Variants in IDO2 observed in about 807,000 individuals in gnomAD.
IDO2 encodes indoleamine 2,3-dioxygenase-like 1 protein.
Under a neutral mutation model 45.1 loss-of-function variants are expected in IDO2, and 46 were observed. That is an observed-to-expected ratio of 1.02 (90% CI 0.80 to 1.30). The LOEUF (loss-of-function observed/expected upper bound fraction) is 1.30, where lower values mean the gene tolerates loss of function less well. IDO2 is among the 50% of genes most tolerant of loss of function. The pLI is 0.00. For synonymous variants in IDO2, 218 were observed against 184.9 expected, an observed-to-expected ratio of 1.18 and a Z score of -1.45; for missense variants, 544 against 491.8, an observed-to-expected ratio of 1.11 and a Z score of -1.00.
chr8:40,003,543 C>A (rs1802172727), intron 8 of IDO2, among the ~76,000 whole-genome samples: 1 of 152,006 alleles, frequency 6.6e-6, no homozygotes, highest in Non-Finnish European at 1.5e-5. Flanking sequence ...CTTACCTGTT[C>A]ATTTCCAGTT....
Position 39,949,071 on chromosome 8 carries a change from T to A in IDO2, c.-17-78T>A, listed in dbSNP as rs1807778260. 95 of 1,531,058 alleles carry A rather than the reference T, an allele frequency of 6.2e-5. 2 individuals are homozygous for A. In the South Asian group the frequency reaches 1.1e-3, roughly 18 times the overall value. The allele number at this position is 1,531,058 out of a possible 1,614,324, so 94.8% of individuals were successfully genotyped here. Reference sequence around the variant, plus strand: ...TCCTGTGCCTGAGACACTGCGCAACTAACTGGAACCGAAGGATGGAACCTG... The same window carrying A: ...TCCTGTGCCTGAGACACTGCGCAACAAACTGGAACCGAAGGATGGAACCTG... On this transcript the variant is annotated intron_variant, in intron 1 of 10. Coordinates refer to ENST00000502986, the Ensembl canonical transcript of IDO2.
At chr8:39,942,470 C>A (rs1407616023) in intron 1 of IDO2, among the ~76,000 whole-genome samples, 1 of 152,104 alleles carries the variant, frequency 6.6e-6, no homozygotes, top group Admixed American at 6.6e-5. Flanking sequence ...ATGACTAAAG[C>A]CTGTCTCTAC....
At chr8:39,974,175 C>T (rs1171841187) in intron 3 of IDO2, among the ~76,000 whole-genome samples, 1 of 152,002 alleles carries the variant, frequency 6.6e-6, no homozygotes, top group African/African-American at 2.4e-5. Flanking sequence ...AAATTCTGAC[C>T]AGATGGCATC....
chr8:40,010,512 A>G (rs1302851406), intron 9 of IDO2, among the ~76,000 whole-genome samples: 1 of 152,346 alleles, frequency 6.6e-6, no homozygotes, highest in Non-Finnish European at 1.5e-5. Context: ...TGAGTAGGAA[A>G]TAAACTCCAA....
At chr8:39,987,643 C>T (rs1475211466) in intron 6 of IDO2, 1 of 491,588 alleles carries the variant, frequency 2.0e-6, no homozygotes, top group African/African-American at 1.9e-5. Context: ...CCATGCTAGA[C>T]ATTGGGAGGC....
At chr8:40,009,049 T>C (rs923562989) in intron 9 of IDO2, among the ~76,000 whole-genome samples, 1 of 152,106 alleles carries the variant, frequency 6.6e-6, no homozygotes, top group Non-Finnish European at 1.5e-5. Context: ...AGGTCTCGCT[T>C]TGTCGCCCAG....
In IDO2 at chr8:39,963,745, A is replaced by G. The variant is rs762454112; in HGVS notation, c.195+42A>G. The G allele has an allele frequency of 5.2e-6, 6 of 1,164,680 alleles. No homozygotes were observed. The East Asian group carries it at 7.2e-5, about 14-fold the overall frequency. 72.1% of individuals were successfully genotyped at this position (1,164,680 alleles called of 1,614,324 possible). A position where few individuals can be genotyped will look rare whatever the true frequency, so the allele number is the denominator to read the frequency against. On this transcript the variant is annotated intron_variant, in intron 3 of 10. Transcript: ENST00000502986. ...CCCCTCATCACATTCTGTTTTCATC[A>G]TCATACCACTTTTCTTTCTTAGCCT...
chr8:39,985,407 C>A, intron 5 of IDO2, 101 bp from the exon 6 acceptor site: 2 of 1,003,962 alleles, frequency 2.0e-6, no homozygotes, highest in Non-Finnish European at 1.5e-6. Flanking sequence ...TGCCTGTGGA[C>A]ATGTGACCCT....
At chr8:40,002,711 C>CG (rs1021024897) in intron 8 of IDO2, among the ~76,000 whole-genome samples, 5 of 151,940 alleles carry the variant, frequency 3.3e-5, no homozygotes, top group Non-Finnish European at 5.9e-5. Flanking sequence ...ACCTGGCAGG[C>CG]GGGGGGTGCA....
exon 11 of IDO2, chr8:40,016,042 GTCCCAGACCAGCCCTCTTCTCCCTGAAT>G: frequency 2.6e-6 from 1 of 391,854 alleles, no homozygotes; most frequent in Non-Finnish European, 4.5e-6. Context: ...GATTTCTGTG[GTCCCAGACCAGCCCTCTTCTCCCTGAAT>G]GTGTTGAGTT....
chr8:40,007,807 C>T (rs1174770980), intron 9 of IDO2, among the ~76,000 whole-genome samples: 1 of 152,142 alleles, frequency 6.6e-6, no homozygotes, highest in Non-Finnish European at 1.5e-5. Context: ...ACTGACTTTT[C>T]CATTTAGGGT....
At chr8:39,949,106 T>C (rs1563424841) in intron 1 of IDO2, 43 bp from the exon 2 acceptor site, 1 of 1,558,468 alleles carries the variant, frequency 6.4e-7, no homozygotes. Flanking sequence ...GGGTGTTTAA[T>C]TTATTAGGAA....
intron 3 of IDO2, among the ~76,000 whole-genome samples, chr8:39,967,748 A>G (rs1216474819): frequency 6.6e-6 from 1 of 152,206 alleles, no homozygotes; most frequent in African/African-American, 2.4e-5. Flanking sequence ...TTGGCCTCCC[A>G]AAGTGCTGGG....
chr8:40,015,874 A>G (rs1457951818), exon 11 of IDO2: 3 of 403,294 alleles, frequency 7.4e-6, no homozygotes, highest in Non-Finnish European at 1.3e-5. Context: ...GAGTGACTGT[A>G]TGCCATTCTC....
At chr8:39,985,078 C>A (rs1808404805) in intron 5 of IDO2, 1 of 308,254 alleles carries the variant, frequency 3.2e-6, no homozygotes, top group Non-Finnish European at 6.2e-6. Flanking sequence ...ATTGCAGGCA[C>A]CTACCACCAC....
intron 2 of IDO2, among the ~76,000 whole-genome samples, chr8:39,959,755 G>A (rs1023300675): frequency 3.9e-5 from 6 of 152,154 alleles, no homozygotes; most frequent in Non-Finnish European, 8.8e-5. Context: ...CTCAGGAGGT[G>A]GAGCCAAGAT....
At chr8:39,940,547 T>C (rs12156204) in intron 1 of IDO2, among the ~76,000 whole-genome samples, 53,318 of 152,172 alleles carry the variant, frequency 0.35, 11,422 homozygotes, top group Non-Finnish European at 0.48. Context: ...GTATTAGCAG[T>C]TGAGATGTAT....
chr8:40,003,368 C>CAA (rs1172335332), intron 8 of IDO2, among the ~76,000 whole-genome samples: 20 of 118,344 alleles, frequency 1.7e-4, no homozygotes, highest in East Asian at 2.8e-4. Context: ...GACTCCATCT[C>CAA]AAAAAAAAAA....
At chr8:40,008,344 C>A (rs554982374) in intron 9 of IDO2, among the ~76,000 whole-genome samples, 135 of 152,272 alleles carry the variant, frequency 8.9e-4, no homozygotes, top group Non-Finnish European at 1.7e-3. Context: ...TCATGCCCAG[C>A]CAGCACTGAC....
Sources: allele counts gnomAD v4.1 joint callset (sites outside exome capture counted in the v4.1 genomes callset), GRCh38; gene constraint gnomAD v4.1.1; transcripts MANE v1.5; gene names NCBI Gene and HGNC (gene_info 2026-07-23, HGNC 2026-07-21).